The following MIGA2 variants were observed in gnomAD, a reference collection of about 807,000 sequenced individuals.
MIGA2 encodes mitoguardin 2, also known as family with sequence similarity 73, member B.
In MIGA2, 36 loss-of-function variants were observed where a neutral mutation model predicts 69.9. The ratio of observed to expected loss-of-function variants is 0.52; its 90% CI spans 0.39 to 0.68. The LOEUF is 0.68. MIGA2 is among the 30% of genes least tolerant of loss of function. The pLI, the probability that MIGA2 is intolerant of heterozygous loss-of-function variation, is 0.00. For synonymous variants in MIGA2, 333 were observed against 349.2 expected (o/e 0.95, Z 0.52); for missense variants, 660 against 787.7 (o/e 0.84, Z 1.94).
chr9:129,061,241 C>G lies in MIGA2; in HGVS notation c.905C>G (p.Ser302Cys). 1 of 1,611,222 alleles carries G rather than the reference C, an allele frequency of 6.2e-7. No individual in the cohort carries two copies. Among genetic ancestry groups the G allele is most frequent in the South Asian group, 1.1e-5 (1 of 90,446 alleles). The change falls in exon 9 of 16, where the codon TCC becomes TGC. Residue 302 changes from serine to cysteine, a missense_variant. Physicochemically the swap from Ser to Cys is moderately radical, Grantham distance 112. Transcript: ENST00000684074. The surrounding 1 kb of genome is among the most constrained non-coding windows in gnomAD (Gnocchi z 5.0). ...TGCACCCTCTCCCAGCTCTTTGAGT[C>G]CCTGCAGACTGGAGATTACCCGATC... Reference protein sequence around the residue: ...SFFSATELFESLQTGDYPIPL... With the variant: ...SFFSATELFECLQTGDYPIPL...
intron 1 of MIGA2, among the ~76,000 whole-genome samples, chr9:129,038,779 TTTTG>T (rs1844729770): frequency 2.0e-5 from 3 of 151,320 alleles, no homozygotes; most frequent in South Asian, 2.1e-4. Context: ...AATCCTTTTT[TTTTG>T]TTTGTCTTTT....
intron 1 of MIGA2, among the ~76,000 whole-genome samples, chr9:129,037,910 C>T (rs1377563660): frequency 1.3e-5 from 2 of 152,166 alleles, no homozygotes; most frequent in African/African-American, 2.4e-5. Context: ...AGAGCCTCCG[C>T]GTTTCCCCAT....
chr9:129,042,917 G>A (rs966302343), intron 3 of MIGA2, among the ~76,000 whole-genome samples: 4 of 152,124 alleles, frequency 2.6e-5, no homozygotes, highest in Admixed American at 1.3e-4. Flanking sequence ...GGTTTAGGCC[G>A]GGCGCGGTGG....
At position 129,069,413 on chromosome 9, in the gene MIGA2, T is replaced by TC. The variant is rs1432053016; in HGVS notation, c.1458+285dup. The TC allele has an allele frequency of 1.8e-6, 1 of 553,104 alleles. No individual in the cohort carries two copies. The highest frequency in any genetic ancestry group is 1.9e-5 in the African/African-American group (1 of 52,870). 34.3% of individuals were successfully genotyped at this position (553,104 alleles called of 1,614,324 possible). ...GCTGGCAGCTGGCCTGGTGCAGGCG[T>TC]CTCGGTGGGGGCAGGATACCCAGGA... is the stretch of plus-strand genomic sequence containing the variant. On this transcript the variant is annotated intron_variant, in intron 14 of 15. Coordinates refer to ENST00000684074, the MANE Select transcript of MIGA2 (RefSeq NM_001329990.2). This position sits in a 1 kb window ranked among gnomAD's most constrained non-coding sequence, Gnocchi z 4.9.
intron 2 of MIGA2, chr9:129,042,090 T>C (rs1844937337): frequency 3.4e-6 from 2 of 590,508 alleles, no homozygotes; most frequent in Admixed American, 6.0e-5. Flanking sequence ...TTCTCGGCAC[T>C]GGCATCTTGC....
Position 129,059,807 on chromosome 9 carries a change from C to T in MIGA2, c.793+536C>T, listed in dbSNP as rs918886387. On this transcript the variant is annotated intron_variant, in intron 7 of 15. Transcript: ENST00000684074. This position sits in a 1 kb window ranked among gnomAD's most constrained non-coding sequence, Gnocchi z 5.6. ...TGACACCCTGGCCCCTCCCTGTGCA[C>T]TCAACCCTGTGGGACCCTCAGACTC... is the stretch of plus-strand genomic sequence containing the variant. Among the ~76,000 whole-genome samples the T allele has an allele frequency of 6.6e-6, 1 of 152,204 alleles. No individual in the cohort carries two copies. Among genetic ancestry groups the T allele is most frequent in the Admixed American group, 6.5e-5 (1 of 15,276 alleles).
At chr9:129,070,075 G>C (rs1846590426) in intron 15 of MIGA2, 110 bp downstream of exon 15, 1 of 1,249,426 alleles carries the variant, frequency 8.0e-7, no homozygotes, top group Non-Finnish European at 1.1e-6. Context: ...CTCCCAGAGA[G>C]AGGGCAGAGC....
intron 11 of MIGA2, among the ~76,000 whole-genome samples, chr9:129,067,154 A>G (rs1013182478): frequency 4.0e-5 from 6 of 151,482 alleles, no homozygotes; most frequent in Admixed American, 3.9e-4. Flanking sequence ...AAAAAAAAAA[A>G]AAAATCACGA....
chr9:129,056,859 C>A (rs1460787550), intron 6 of MIGA2, among the ~76,000 whole-genome samples: 1 of 152,062 alleles, frequency 6.6e-6, no homozygotes, highest in Non-Finnish European at 1.5e-5. Context: ...CATGGTGAAA[C>A]CCCACCTTTA....
In MIGA2 at chr9:129,068,103, C is replaced by G; in HGVS notation, c.1270-95C>G. ...CGTGTCCCCCCCACGTGTGCTCATG[C>G]CCTGGACCCCAGCTTCAGTCTCCCC... On this transcript the variant is annotated intron_variant, in intron 12 of 15. Transcript: ENST00000684074. The surrounding 1 kb of genome is among the most constrained non-coding windows in gnomAD (Gnocchi z 4.1). 1 of 1,563,114 alleles carries G rather than the reference C, an allele frequency of 6.4e-7. No individual in the cohort carries two copies. The highest frequency in any genetic ancestry group is 8.8e-7 in the Non-Finnish European group (1 of 1,135,374).
In MIGA2 at chr9:129,049,488, G is replaced by C; in HGVS notation, c.528G>C (p.Leu176=). The C allele has an allele frequency of 1.2e-6, 2 of 1,613,414 alleles. No individual in the cohort carries two copies. Among genetic ancestry groups the C allele is most frequent in the Non-Finnish European group, 8.5e-7 (1 of 1,179,842 alleles). ...LTTSDGNAES[L]YMQGMELFEE... is the part of the protein sequence containing the mutation. ...CCAGCGACGGCAATGCAGAGAGCCT[G>C]TACATGCAAGGTGTGGCCAGGAGGT... The change falls in exon 5 of 16, where the codon CTG becomes CTC. Residue 176 remains leucine, a synonymous_variant. Coordinates refer to ENST00000684074, the MANE Select transcript of MIGA2 (RefSeq NM_001329990.2).
rs778911667 is a variant in MIGA2 at position 129,048,438 on chromosome 9, C to T, written c.319C>T (p.Arg107Trp). 1.2e-5 allele frequency: 20 copies of T among 1,613,740 alleles called. No individual in the cohort carries two copies. The highest frequency in any genetic ancestry group is 3.3e-5 in the South Asian group (3 of 91,088). ...VPSVKKGYSS[R>W]RVQSPSSKSN... The stretch of plus-strand genomic sequence containing the variant: ...TCTGCTCCTCACAGGATACTCCAGC[C>T]GGAGAGTCCAGAGCCCCAGCAGCAA... Residue 107 changes from arginine to tryptophan, a missense_variant, in exon 4 of 16, where the codon CGG becomes TGG. This residue lies in a region of MIGA2 where 386 missense variants were observed against 402.0 expected (regional missense o/e 0.96). Transcript: ENST00000684074.
At chr9:129,067,453 C>T (rs1032638600) in intron 11 of MIGA2, 5 of 325,834 alleles carry the variant, frequency 1.5e-5, no homozygotes, top group African/African-American at 8.6e-5. Flanking sequence ...TCCAAGGTCA[C>T]GGAGATTTGA....
intron 3 of MIGA2, among the ~76,000 whole-genome samples, chr9:129,043,384 C>CTTTTTTT (rs60096838): frequency 7.8e-6 from 1 of 128,348 alleles, no homozygotes; most frequent in Non-Finnish European, 1.6e-5. Context: ...TCTGTTCTCT[C>CTTTTTTT]TTTTTTTTTT....
At chr9:129,063,655 G>GGCC in intron 11 of MIGA2, 24 bp downstream of exon 11, 5 of 645,690 alleles carry the variant, frequency 7.7e-6, no homozygotes, top group Non-Finnish European at 1.4e-5. Flanking sequence ...GGGTGGGGGG[G>GGCC]CAAATTATAA....
chr9:129,050,324 G>A (rs1013737175), intron 6 of MIGA2, among the ~76,000 whole-genome samples: 3 of 152,228 alleles, frequency 2.0e-5, no homozygotes, highest in Non-Finnish European at 4.4e-5. Context: ...TGCCAGGCTG[G>A]AGTGCAGTGG....
intron 10 of MIGA2, 97 bp downstream of exon 10, chr9:129,063,413 C>T: frequency 1.9e-6 from 3 of 1,555,182 alleles, no homozygotes; most frequent in South Asian, 1.1e-5. Flanking sequence ...GGTCCCTGGC[C>T]AGGCCTGCTC....
At position 129,042,444 on chromosome 9, in the gene MIGA2, G is replaced by A. The variant is rs1844966201; in HGVS notation, c.237G>A (p.Met79Ile). Residue 79 changes from methionine to isoleucine, a missense_variant, in exon 3 of 16, where the codon ATG (methionine) becomes ATA (isoleucine). By Grantham distance (10) the Met-to-Ile change is conservative. This residue lies in a region of MIGA2 where 386 missense variants were observed against 402.0 expected (regional missense o/e 0.96). Transcript: ENST00000684074. ...RRRKKQVGPE[M>I]GGEQLGTVPL... ...GGAAGAAGCAGGTTGGTCCCGAGAT[G>A]GGAGGGGAGCAGCTGGGCACGGTGC... is the stretch of plus-strand genomic sequence containing the variant. 10 of 1,611,566 alleles carry A rather than the reference G, an allele frequency of 6.2e-6. No homozygotes were observed. In the East Asian group the frequency reaches 1.8e-4, roughly 29 times the overall value.
rs754870243 is a variant in MIGA2 at position 129,060,558 on chromosome 9, C to T, written c.802C>T (p.Leu268Phe). Residue 268 changes from leucine to phenylalanine, a missense_variant, in exon 8 of 16, where the codon CTC becomes TTC. Physicochemically the swap from Leu to Phe is conservative, Grantham distance 22 (BLOSUM62 0). Transcript: ENST00000684074. The surrounding 1 kb of genome is among the most constrained non-coding windows in gnomAD (Gnocchi z 4.8). The part of the protein sequence containing the change: ...DSMLLDLERT[L>F]MLPLTEGSLR... ...CTCACTGCTCTTCCCAGAGAGGACC[C>T]TCATGCTGCCCCTGACCGAGGGCTC... The T allele has an allele frequency of 5.0e-6, 8 of 1,595,910 alleles. No homozygotes were observed. Among genetic ancestry groups the T allele is most frequent in the Non-Finnish European group, 6.0e-6 (7 of 1,170,826 alleles).
Sources: gnomAD v4.1 joint callset for allele counts (sites outside exome capture counted in the v4.1 genomes callset) on GRCh38, gnomAD v4.1.1 for gene constraint, gnomAD v4.1.1 regional missense constraint, Gnocchi (gnomAD v3.1) non-coding constraint, MANE v1.5 for transcripts, NCBI Gene and HGNC (gene_info 2026-07-23, HGNC 2026-07-21) for gene names.